Variants in NFIA observed in about 807,000 individuals in gnomAD.
NFIA encodes the protein nuclear factor I A, also known as nuclear factor 1 A-type.
Under a neutral mutation model 62.8 loss-of-function variants are expected in NFIA, and 8 were observed. The observed-to-expected ratio is 0.13, with a 90% CI of 0.07 to 0.23. The LOEUF (loss-of-function observed/expected upper bound fraction) is 0.23, where lower values mean the gene tolerates loss of function less well. Among genes scored for constraint, NFIA ranks in the 10% least tolerant of loss-of-function variants. The pLI is 1.00. For missense variants in NFIA, 410 were observed against 642.1 expected (o/e 0.64, Z 3.91); for synonymous variants, 235 against 238.1 (o/e 0.99, Z 0.12).
intron 9 of NFIA, among the ~76,000 whole-genome samples, chr1:61,424,466 G>A (rs921556684): frequency 6.6e-6 from 1 of 152,084 alleles, no homozygotes; most frequent in African/African-American, 2.4e-5. Flanking sequence ...AGCAGCAGGC[G>A]AGTGCACACT....
chr1:61,242,672 A>G (rs1214855448), intron 2 of NFIA, among the ~76,000 whole-genome samples: 1 of 152,180 alleles, frequency 6.6e-6, no homozygotes, highest in Non-Finnish European at 1.5e-5. Flanking sequence ...TTCCTTAAAT[A>G]GATCTTCTGT....
At chr1:61,246,890 A>G (rs1285550883) in intron 2 of NFIA, among the ~76,000 whole-genome samples, 2 of 152,194 alleles carry the variant, frequency 1.3e-5, no homozygotes, top group African/African-American at 4.8e-5. Flanking sequence ...TTGACTAAGC[A>G]TTGTATGACT....
chr1:61,206,577 A>G (rs989020452), intron 2 of NFIA, among the ~76,000 whole-genome samples: 3 of 152,188 alleles, frequency 2.0e-5, no homozygotes, highest in Admixed American at 1.3e-4. Context: ...ACCAGCATTG[A>G]TAATTCTTGT....
At chr1:61,332,485 T>C (rs778846491) in intron 3 of NFIA, 27 bp from the exon 4 acceptor site, 26 of 1,603,618 alleles carry the variant, frequency 1.6e-5, no homozygotes, top group Admixed American at 5.0e-5. Flanking sequence ...TATGACACTT[T>C]GTTTTCTTTT....
At chr1:61,434,176 A>G (rs563840041) in intron 10 of NFIA, among the ~76,000 whole-genome samples, 8 of 152,326 alleles carry the variant, frequency 5.3e-5, no homozygotes, top group African/African-American at 1.4e-4. Flanking sequence ...GAGAGTGGTA[A>G]GGACTGGCAG....
At chr1:61,235,935 A>G (rs552684398) in intron 2 of NFIA, among the ~76,000 whole-genome samples, 4 of 152,274 alleles carry the variant, frequency 2.6e-5, no homozygotes, top group African/African-American at 7.2e-5. Flanking sequence ...ATAGAGACAC[A>G]TAGTTGTTTT....
At chr1:61,093,342 A>T (rs1323423871) in intron 2 of NFIA, among the ~76,000 whole-genome samples, 1 of 151,662 alleles carries the variant, frequency 6.6e-6, no homozygotes, top group African/African-American at 2.4e-5. Context: ...TATATTGTAT[A>T]CACAATATAC....
intron 4 of NFIA, among the ~76,000 whole-genome samples, chr1:61,343,551 C>T: frequency 6.6e-6 from 1 of 152,124 alleles, no homozygotes; most frequent in Non-Finnish European, 1.5e-5. Flanking sequence ...TCGTAAAAAG[C>T]ATTGCTTAAA....
intron 2 of NFIA, among the ~76,000 whole-genome samples, chr1:61,137,953 CTT>C (rs1240928223): frequency 2.1e-5 from 3 of 142,876 alleles, no homozygotes; most frequent in Non-Finnish European, 1.5e-5. Flanking sequence ...TCTCCCACCT[CTT>C]TTTTTTTTTT....
At chr1:61,256,462 C>T (rs1238232624) in intron 2 of NFIA, among the ~76,000 whole-genome samples, 1 of 144,878 alleles carries the variant, frequency 6.9e-6, no homozygotes, top group Non-Finnish European at 1.5e-5. Context: ...AAAAAAATCT[C>T]ATAATGTTGT....
In NFIA at chr1:61,330,598, A is replaced by G. The variant is rs532499356; in HGVS notation, c.626-1914A>G. 8.4e-4 allele frequency among the ~76,000 whole-genome samples: 128 copies of G among 152,198 alleles called. 2 individuals are homozygous for G. Among genetic ancestry groups the G allele is most frequent in the African/African-American group, 3.0e-3 (124 of 41,540 alleles). The stretch of plus-strand genomic sequence containing the variant: ...ATGAATGAACGCAAGGGTCTTCCCA[A>G]TTCCCAAGTCCTTGCACCTAAATCA... On this transcript the variant is annotated intron_variant, in intron 3 of 10. Transcript: ENST00000403491.
rs1318115584 is a variant in NFIA at position 61,113,516 on chromosome 1, C to T, written c.559+24836C>T. 2.7e-5 allele frequency among the ~76,000 whole-genome samples: 4 copies of T among 150,166 alleles called. No homozygotes were observed. In the South Asian group the frequency reaches 6.3e-4, roughly 24 times the overall value. On this transcript the variant is annotated intron_variant, in intron 2 of 10. Transcript: ENST00000403491. ...GGCTGAGGCAGGAGAATTGCTTGAA[C>T]CGTTGAGGCGGAGGTTGTAATGAGC...
At chr1:61,328,530 C>T (rs1327100826) in intron 3 of NFIA, among the ~76,000 whole-genome samples, 1 of 152,010 alleles carries the variant, frequency 6.6e-6, no homozygotes, top group Non-Finnish European at 1.5e-5. Flanking sequence ...AAGTGATTCT[C>T]CTGCCTCAGC....
At chr1:61,279,176 A>G (rs1291982349) in intron 3 of NFIA, among the ~76,000 whole-genome samples, 2 of 152,204 alleles carry the variant, frequency 1.3e-5, no homozygotes, top group African/African-American at 4.8e-5. Flanking sequence ...TGGAAAAGAT[A>G]GGCAAACGGA....
intron 2 of NFIA, among the ~76,000 whole-genome samples, chr1:61,134,310 G>A (rs1004246018): frequency 6.7e-6 from 1 of 149,500 alleles, no homozygotes. Flanking sequence ...TTATCTCTTT[G>A]CTTCTCAATT....
intron 4 of NFIA, among the ~76,000 whole-genome samples, chr1:61,338,799 T>C (rs1261192261): frequency 6.6e-6 from 1 of 152,372 alleles, no homozygotes; most frequent in African/African-American, 2.4e-5. Context: ...CGCAGTACTT[T>C]AGATCTTAAT....
intron 3 of NFIA, among the ~76,000 whole-genome samples, chr1:61,283,594 A>AAAAAAAAAAAAAAAAAAAAG (rs1658295071): frequency 9.1e-6 from 1 of 110,112 alleles, no homozygotes; most frequent in East Asian, 3.0e-4. Flanking sequence ...AAAAAAAAAA[A>AAAAAAAAAAAAAAAAAAAAG]AAAAAAAAAA....
At chr1:61,437,254 TC>T (rs1054350401) in intron 10 of NFIA, among the ~76,000 whole-genome samples, 1 of 152,114 alleles carries the variant, frequency 6.6e-6, no homozygotes, top group Admixed American at 6.5e-5. Flanking sequence ...CTTCCATTGG[TC>T]CCTGGCAGTG....
At chr1:61,436,640 C>A (rs749099145) in intron 10 of NFIA, among the ~76,000 whole-genome samples, 2 of 152,132 alleles carry the variant, frequency 1.3e-5, no homozygotes, top group Admixed American at 1.3e-4. Context: ...ATTCTTCCTG[C>A]CACTTTTCTC....
Sources: gnomAD v4.1 joint callset for allele counts (sites outside exome capture counted in the v4.1 genomes callset) on GRCh38, gnomAD v4.1.1 for gene constraint, MANE v1.5 for transcripts, NCBI Gene and HGNC (gene_info 2026-07-23, HGNC 2026-07-21) for gene names.